Variants in CAMTA1 observed in about 807,000 individuals in gnomAD.
CAMTA1 encodes the protein calmodulin-binding transcription activator 1.
CAMTA1 carries 27 observed loss-of-function variants against 170.9 expected under a neutral mutation model. That is an observed-to-expected ratio of 0.16 (90% CI 0.12 to 0.22). The LOEUF (loss-of-function observed/expected upper bound fraction) is 0.22. Ranked by LOEUF, CAMTA1 falls within the 10% of genes least tolerant of loss-of-function variation. CAMTA1 has a pLI of 1.00. For missense variants in CAMTA1, 1,619 were observed against 2,217.2 expected (o/e 0.73, Z 5.42); for synonymous variants, 833 against 891.5 (o/e 0.93, Z 1.17).
intron 1 of CAMTA1, among the ~76,000 whole-genome samples, chr1:6,812,161 C>T (rs1645247205): frequency 6.6e-6 from 1 of 152,162 alleles, no homozygotes; most frequent in South Asian, 2.1e-4. Flanking sequence ...CGCATTTTTG[C>T]ATTGCTGCTT....
At chr1:7,650,756 T>C (rs1343980995) in intron 7 of CAMTA1, among the ~76,000 whole-genome samples, 1 of 152,234 alleles carries the variant, frequency 6.6e-6, no homozygotes, top group Non-Finnish European at 1.5e-5. Flanking sequence ...TCAGGACCAA[T>C]AGGCGAATGA....
Position 7,751,100 on chromosome 1 carries a change from A to G in CAMTA1, c.4690-99A>G, listed in dbSNP as rs186810433. The G allele has an allele frequency of 7.8e-5, 76 of 977,348 alleles. No individual in the cohort carries two copies. In the East Asian group the frequency reaches 1.2e-3, roughly 15 times the overall value. 60.5% of individuals were successfully genotyped at this position (977,348 alleles called of 1,614,324 possible). On this transcript the variant is annotated intron_variant, in intron 19 of 22. Transcript: ENST00000303635. ...ACAGAGAATGTGATAATAGAGGGGAAAAGCATTTTCTCTTCTTCCCTTCCC... is the reference window on the plus strand; with the variant it reads ...ACAGAGAATGTGATAATAGAGGGGAGAAGCATTTTCTCTTCTTCCCTTCCC...
intron 6 of CAMTA1, among the ~76,000 whole-genome samples, chr1:7,581,969 T>G (rs533337242): frequency 0.06 from 9,107 of 152,214 alleles, 789 homozygotes; most frequent in African/African-American, 0.2. Context: ...GGTGTGATGA[T>G]ATTCGTGTGC....
chr1:7,260,843 C>A (rs7549382), intron 5 of CAMTA1, among the ~76,000 whole-genome samples: 2 of 152,140 alleles, frequency 1.3e-5, no homozygotes, highest in South Asian at 2.1e-4. Flanking sequence ...CACAATTTAC[C>A]TACAGTTTAT....
chr1:7,396,605 C>T (rs2149168999), intron 5 of CAMTA1, among the ~76,000 whole-genome samples: 1 of 152,216 alleles, frequency 6.6e-6, no homozygotes, highest in Admixed American at 6.5e-5. Flanking sequence ...TAATTTTTTC[C>T]AGTTCAATAT....
chr1:7,737,082 G>A (rs898897669), intron 14 of CAMTA1, 73 bp downstream of exon 14: 54 of 1,381,328 alleles, frequency 3.9e-5, no homozygotes, highest in African/African-American at 1.9e-4. Flanking sequence ...GGTTCCCACC[G>A]TTGTCTCTTG....
At chr1:7,480,233 G>A (rs1008670351) in intron 6 of CAMTA1, among the ~76,000 whole-genome samples, 5 of 132,862 alleles carry the variant, frequency 3.8e-5, no homozygotes, top group Admixed American at 3.1e-4. Context: ...GTGTGTGAGT[G>A]CATGTGTCCG....
At chr1:7,250,970 G>A (rs1666541833) in intron 5 of CAMTA1, among the ~76,000 whole-genome samples, 1 of 152,208 alleles carries the variant, frequency 6.6e-6, no homozygotes, top group African/African-American at 2.4e-5. Flanking sequence ...GCCAAAGGAG[G>A]GAGGGCTTGG....
rs115338242 is a variant in CAMTA1, at chr1:7,588,482, C to A, written c.511-51918C>A. On this transcript the variant is annotated intron_variant, in intron 6 of 22. Coordinates refer to ENST00000303635, the MANE Select transcript of CAMTA1 (RefSeq NM_015215.4). The surrounding 1 kb of genome is among the most constrained non-coding windows in gnomAD (Gnocchi z 5.8). ...TTATCAAAACCCTCACCATTGCCAT[C>A]ACCACCTCCATTTGACAGCTGAGCT... Among the ~76,000 whole-genome samples, 661 of 152,366 alleles carry A rather than the reference C, an allele frequency of 4.3e-3. 5 individuals are homozygous for A. Among genetic ancestry groups the A allele is most frequent in the African/African-American group, 0.015 (614 of 41,588 alleles).
chr1:7,449,719 G>A (rs7550862), intron 5 of CAMTA1, among the ~76,000 whole-genome samples: 31,818 of 136,714 alleles, frequency 0.23, 3,517 homozygotes, highest in East Asian at 0.33. Context: ...GCAGTGAGCC[G>A]AAATAGTGCC....
intron 11 of CAMTA1, among the ~76,000 whole-genome samples, chr1:7,678,715 G>T (rs143361293): frequency 1.3e-5 from 2 of 152,308 alleles, no homozygotes; most frequent in Non-Finnish European, 2.9e-5. Context: ...ACTCCATGGG[G>T]TACCTTGCTG....
At chr1:7,583,060 G>T (rs2150409179) in intron 6 of CAMTA1, among the ~76,000 whole-genome samples, 1 of 152,254 alleles carries the variant, frequency 6.6e-6, no homozygotes, top group African/African-American at 2.4e-5. Context: ...CAGCTAAGAA[G>T]GACCAGAAGG....
chr1:7,022,822 T>G (rs1341679417), intron 3 of CAMTA1, among the ~76,000 whole-genome samples: 1 of 152,210 alleles, frequency 6.6e-6, no homozygotes, highest in Non-Finnish European at 1.5e-5. Context: ...CTCTGTTCTC[T>G]CACTCTAAAC....
intron 4 of CAMTA1, among the ~76,000 whole-genome samples, chr1:7,186,721 C>T (rs537233084): frequency 4.5e-4 from 68 of 152,292 alleles, no homozygotes; most frequent in African/African-American, 1.5e-3. Flanking sequence ...AATTTATTCA[C>T]GCATTAACAT....
chr1:7,371,247 GTTTGTTTGTTTGTTT>G (rs2086444106), intron 5 of CAMTA1, among the ~76,000 whole-genome samples: 14 of 17,846 alleles, frequency 7.8e-4, no homozygotes, highest in Non-Finnish European at 2.2e-3. Context: ...GGTTTTGTTT[GTTTGTTTGTTTGTTT>G]GTTTGTTTGT....
intron 6 of CAMTA1, among the ~76,000 whole-genome samples, chr1:7,598,905 T>C (rs1005398283): frequency 1.3e-5 from 2 of 152,226 alleles, no homozygotes; most frequent in South Asian, 2.1e-4. Flanking sequence ...TTCACTCTGA[T>C]GGTAGTTTCT....
intron 6 of CAMTA1, among the ~76,000 whole-genome samples, chr1:7,508,084 C>T (rs1014569841): frequency 9.8e-5 from 15 of 152,374 alleles, no homozygotes; most frequent in South Asian, 2.1e-4. Context: ...CTCATCAAAT[C>T]GGTTCCGTAC....
chr1:7,544,408 C>A (rs1013465981), intron 6 of CAMTA1, among the ~76,000 whole-genome samples: 4 of 152,142 alleles, frequency 2.6e-5, no homozygotes, highest in African/African-American at 9.7e-5. Flanking sequence ...CACAGCCAAA[C>A]CACATCAGTT....
intron 5 of CAMTA1, among the ~76,000 whole-genome samples, chr1:7,337,952 A>G (rs2083511986): frequency 6.7e-6 from 1 of 148,990 alleles, no homozygotes; most frequent in African/African-American, 2.5e-5. Context: ...AATTCCTTAG[A>G]AATAAACATG....
Sources: allele counts gnomAD v4.1 joint callset (sites outside exome capture counted in the v4.1 genomes callset), GRCh38; gene constraint gnomAD v4.1.1; non-coding constraint Gnocchi (gnomAD v3.1); transcripts MANE v1.5; gene names NCBI Gene and HGNC (gene_info 2026-07-23, HGNC 2026-07-21).